Variants in SPATA1 observed in about 807,000 individuals in gnomAD.
The protein encoded by SPATA1 is spermatogenesis-associated protein 1.
Under a neutral mutation model 59.6 loss-of-function variants are expected in SPATA1, and 57 were observed. The ratio of observed to expected loss-of-function variants is 0.96; its 90% CI spans 0.77 to 1.19. The LOEUF (loss-of-function observed/expected upper bound fraction) is 1.19. Ranked by LOEUF, SPATA1 falls within the 50% of genes most tolerant of loss-of-function variation. The probability of loss-of-function intolerance (pLI) is 0.00; values close to 1 mark genes in which losing one functional copy is unlikely to be tolerated. For synonymous variants in SPATA1, 147 were observed against 163.9 expected, an observed-to-expected ratio of 0.90 and a Z score of 0.79; for missense variants, 448 against 480.7, an observed-to-expected ratio of 0.93 and a Z score of 0.64.
At chr1:84,551,774 A>C (rs182469484) in intron 12 of SPATA1, 3 of 152,290 alleles carry the variant, frequency 2.0e-5, no homozygotes, top group African/African-American at 7.2e-5. Flanking sequence ...TCAATGAAGG[A>C]AAACTGTCTA....
exon 4 of SPATA1, chr1:84,522,469 T>C: frequency 6.5e-7 from 1 of 1,547,734 alleles, no homozygotes; most frequent in Non-Finnish European, 8.7e-7. Flanking sequence ...TGCAGAAAAA[T>C]TTTTATTTCT....
chr1:84,527,148 A>G (rs914883073), intron 6 of SPATA1, among the ~76,000 whole-genome samples: 2 of 152,154 alleles, frequency 1.3e-5, no homozygotes, highest in East Asian at 3.8e-4. Flanking sequence ...CTGATTAAGA[A>G]CTACTATATT....
chr1:84,556,659 C>A (rs1300820250), downstream of SPATA1, among the ~76,000 whole-genome samples: 1 of 141,736 alleles, frequency 7.1e-6, no homozygotes, highest in East Asian at 2.1e-4. Context: ...TTGCAGTAAG[C>A]TGAGATCACG....
intron 1 of SPATA1, chr1:84,506,853 GCT>G (rs1682277677): frequency 6.6e-6 from 1 of 152,260 alleles, no homozygotes; most frequent in African/African-American, 2.4e-5. Flanking sequence ...TGGCTTCTTA[GCT>G]CTTGAATCGG....
At chr1:84,522,918 T>C (rs900419589) in intron 4 of SPATA1, among the ~76,000 whole-genome samples, 10 of 152,042 alleles carry the variant, frequency 6.6e-5, no homozygotes, top group African/African-American at 2.2e-4. Flanking sequence ...CAACTTTTTT[T>C]TTTTTTTTCC....
chr1:84,535,576 G>C (rs910322710), intron 8 of SPATA1, among the ~76,000 whole-genome samples: 3 of 151,638 alleles, frequency 2.0e-5, no homozygotes, highest in African/African-American at 7.3e-5. Flanking sequence ...TTAGATATTT[G>C]GTATTTTTGA....
intron 9 of SPATA1, 133 bp from the exon 10 acceptor site, chr1:84,545,501 G>A: frequency 9.9e-7 from 1 of 1,008,106 alleles, no homozygotes. Context: ...CTATACTGTA[G>A]CAAGAAAAAC....
chr1:84,516,442 ACTGTTTTTGAAAAG>A, intron 2 of SPATA1, 47 bp downstream of exon 2: 1 of 1,177,456 alleles, frequency 8.5e-7, no homozygotes, highest in Non-Finnish European at 1.2e-6. Context: ...CCTGCTTATC[ACTGTTTTTGAAAAG>A]TTTTATAAAA....
intron 6 of SPATA1, among the ~76,000 whole-genome samples, chr1:84,528,931 G>A (rs1250773575): frequency 2.0e-5 from 3 of 152,016 alleles, no homozygotes; most frequent in African/African-American, 7.3e-5. Context: ...TCCTCCAAAT[G>A]CATTTCCAGT....
exon 4 of SPATA1, chr1:84,522,481 A>G: frequency 6.5e-7 from 1 of 1,541,448 alleles, no homozygotes; most frequent in Non-Finnish European, 8.8e-7. Context: ...TTTATTTCTG[A>G]AATGCATTGG....
At chr1:84,525,550 C>A in intron 4 of SPATA1, 146 bp from the exon 5 acceptor site, 1 of 623,636 alleles carries the variant, frequency 1.6e-6, no homozygotes, top group Non-Finnish European at 2.8e-6. Context: ...ACATTATATT[C>A]TACATTTCTA....
intron 8 of SPATA1, among the ~76,000 whole-genome samples, chr1:84,537,035 G>A (rs1173063192): frequency 3.3e-5 from 5 of 151,498 alleles, no homozygotes; most frequent in Admixed American, 1.3e-4. Context: ...ACCTGCCACC[G>A]CGCCCAGCTA....
chr1:84,536,051 C>T (rs1683664542), intron 8 of SPATA1, among the ~76,000 whole-genome samples: 1 of 152,172 alleles, frequency 6.6e-6, no homozygotes, highest in Non-Finnish European at 1.5e-5. Flanking sequence ...GTATTTGGTA[C>T]AGAAAGTGTG....
At chr1:84,516,733 C>T (rs2101925626) in intron 2 of SPATA1, among the ~76,000 whole-genome samples, 1 of 152,324 alleles carries the variant, frequency 6.6e-6, no homozygotes, top group South Asian at 2.1e-4. Flanking sequence ...TTGCCCCTCT[C>T]TCACTTCATT....
intron 12 of SPATA1, chr1:84,551,310 TA>T (rs1233263828): frequency 2.1e-6 from 2 of 970,660 alleles, no homozygotes; most frequent in East Asian, 1.1e-4. Context: ...TAGCTCTTTT[TA>T]AAAAAATTTT....
At chr1:84,562,702 A>G (rs1285385441) in intron 4 of SPATA1, among the ~76,000 whole-genome samples, 2 of 152,218 alleles carry the variant, frequency 1.3e-5, no homozygotes, top group Non-Finnish European at 1.5e-5. Context: ...CAGAATTGCT[A>G]ATCACTTAGT....
At position 84,550,466 on chromosome 1, in the gene SPATA1, A is replaced by AT. The variant is rs1342073236; in HGVS notation, c.1161dup (p.Ala388CysfsTer3). 6.4e-7 allele frequency: 1 copy of AT among 1,567,130 alleles called. No individual in the cohort carries two copies. Among genetic ancestry groups the AT allele is most frequent in the Non-Finnish European group, 8.7e-7 (1 of 1,155,296 alleles). Reference sequence around the variant, plus strand: ...ATAATCCAGATCACTGAGGTACAGCATGCAATTGACCAGCTTAAGAGAAAA... The same window carrying AT: ...ATAATCCAGATCACTGAGGTACAGCATTGCAATTGACCAGCTTAAGAGAAAA... On this transcript the variant is annotated frameshift_variant, in exon 12 of 13. Coordinates refer to ENST00000490879, the Ensembl canonical transcript of SPATA1. LOFTEE classifies it high-confidence loss of function.
At chr1:84,545,891 T>C in intron 10 of SPATA1, 132 bp downstream of exon 10, 1 of 592,812 alleles carries the variant, frequency 1.7e-6, no homozygotes, top group Non-Finnish European at 2.5e-6. Context: ...TGGTACATGA[T>C]TAAGTTCAAT....
intron 8 of SPATA1, among the ~76,000 whole-genome samples, chr1:84,536,530 G>A (rs113832721): frequency 0.038 from 5,766 of 152,192 alleles, 384 homozygotes; most frequent in African/African-American, 0.13. Flanking sequence ...TGCAAGCTCC[G>A]CCCCCCGGGT....
Sources: gnomAD v4.1 joint callset for allele counts (sites outside exome capture counted in the v4.1 genomes callset) on GRCh38, gnomAD v4.1.1 for gene constraint, MANE v1.5 for transcripts, NCBI Gene and HGNC (gene_info 2026-07-23, HGNC 2026-07-21) for gene names.